Variants in CELF4 observed in about 807,000 individuals in gnomAD.
CELF4 encodes CUG-BP- and ETR-3-like factor 4.
Under a neutral mutation model 59.9 loss-of-function variants are expected in CELF4, and 18 were observed. The observed-to-expected ratio is 0.30, with a 90% CI of 0.21 to 0.45. The LOEUF (loss-of-function observed/expected upper bound fraction) is 0.45, where lower values mean the gene tolerates loss of function less well. Among genes scored for constraint, CELF4 ranks in the 20% least tolerant of loss-of-function variants. CELF4 has a pLI of 1.00. For missense variants in CELF4, 456 were observed against 689.0 expected (o/e 0.66, Z 3.79); for synonymous variants, 261 against 267.1 (o/e 0.98, Z 0.22).
chr18:37,332,272 T>C (rs1443701304), intron 2 of CELF4, among the ~76,000 whole-genome samples: 2 of 152,106 alleles, frequency 1.3e-5, no homozygotes, highest in African/African-American at 4.8e-5. Flanking sequence ...ACCGTCCACT[T>C]GCAAAGAGTC....
intron 2 of CELF4, among the ~76,000 whole-genome samples, chr18:37,327,013 C>T (rs1032113183): frequency 5.9e-5 from 9 of 152,240 alleles, no homozygotes; most frequent in Admixed American, 2.0e-4. Context: ...TCCTTGGGGA[C>T]GATTATGATA....
chr18:37,535,719 A>G (rs535917804), intron 1 of CELF4, among the ~76,000 whole-genome samples: 54 of 152,290 alleles, frequency 3.5e-4, no homozygotes, highest in African/African-American at 1.2e-3. Context: ...CCCCTGGGGA[A>G]AGGGGCGGCC....
Position 37,478,717 on chromosome 18 carries a change from G to C in CELF4, c.369+6808C>G, listed in dbSNP as rs1457169884. Among the ~76,000 whole-genome samples the C allele has an allele frequency of 4.6e-5, 7 of 152,340 alleles. No individual in the cohort carries two copies. The South Asian group carries it at 8.3e-4, about 18-fold the overall frequency. On this transcript the variant is annotated intron_variant, in intron 2 of 12. Transcript: ENST00000420428. ...GGCTAAGGGATAACGTGGAAGAGCA[G>C]AGGCAAGTTTCGAAGGCATCACAGA... is the stretch of plus-strand genomic sequence containing the variant.
At chr18:37,264,391 G>T (rs2076399967) in intron 10 of CELF4, among the ~76,000 whole-genome samples, 1 of 152,264 alleles carries the variant, frequency 6.6e-6, no homozygotes, top group Non-Finnish European at 1.5e-5. Flanking sequence ...TAGGAAAGGT[G>T]CCTCGTGTGG....
At chr18:37,263,612 C>T (rs1311413436) in intron 10 of CELF4, among the ~76,000 whole-genome samples, 1 of 152,072 alleles carries the variant, frequency 6.6e-6, no homozygotes, top group Non-Finnish European at 1.5e-5. Context: ...TTCATCCAGC[C>T]TCCTGTCTTC....
intron 3 of CELF4, among the ~76,000 whole-genome samples, chr18:37,276,934 T>C (rs2093396676): frequency 6.6e-6 from 1 of 152,202 alleles, no homozygotes; most frequent in Non-Finnish European, 1.5e-5. Flanking sequence ...TCTGAGCACA[T>C]GGGCACTCAG....
chr18:37,363,862 G>A (rs550233633), intron 2 of CELF4, among the ~76,000 whole-genome samples: 7 of 152,170 alleles, frequency 4.6e-5, no homozygotes, highest in Non-Finnish European at 8.8e-5. Flanking sequence ...TTATGCTCAG[G>A]ACCCTGGGTA....
chr18:37,483,962 A>G (rs1603642350), intron 2 of CELF4, among the ~76,000 whole-genome samples: 1 of 152,198 alleles, frequency 6.6e-6, no homozygotes, highest in East Asian at 1.9e-4. Context: ...TAGATCCTCA[A>G]CAATCCACAC....
At chr18:37,391,240 C>A (rs965533072) in intron 2 of CELF4, among the ~76,000 whole-genome samples, 5 of 152,200 alleles carry the variant, frequency 3.3e-5, no homozygotes, top group African/African-American at 9.6e-5. Context: ...CCTGAGGGGG[C>A]AGAGGGTCAG....
chr18:37,445,731 C>G (rs1290751630), intron 2 of CELF4, among the ~76,000 whole-genome samples: 1 of 151,984 alleles, frequency 6.6e-6, no homozygotes, highest in East Asian at 1.9e-4. Flanking sequence ...GGCATAAGTC[C>G]GATGCATTCC....
intron 2 of CELF4, among the ~76,000 whole-genome samples, chr18:37,336,659 T>C (rs945459746): frequency 1.0e-4 from 7 of 66,698 alleles, no homozygotes; most frequent in African/African-American, 4.5e-4. Context: ...CTGGCACACG[T>C]GCATGCCAGC....
intron 2 of CELF4, among the ~76,000 whole-genome samples, chr18:37,449,668 C>T (rs1340096565): frequency 6.6e-6 from 1 of 152,074 alleles, no homozygotes; most frequent in Non-Finnish European, 1.5e-5. Context: ...GAAGGAAGAG[C>T]TACTTTAGAT....
intron 2 of CELF4, among the ~76,000 whole-genome samples, chr18:37,443,482 C>G (rs1285019730): frequency 1.3e-5 from 2 of 152,154 alleles, no homozygotes; most frequent in African/African-American, 4.8e-5. Context: ...AGCTCCCCAC[C>G]ACCGAAGTGT....
At chr18:37,409,290 T>C (rs940901318) in intron 2 of CELF4, among the ~76,000 whole-genome samples, 4 of 152,136 alleles carry the variant, frequency 2.6e-5, no homozygotes, top group Admixed American at 6.5e-5. Context: ...GGGCAGCCAA[T>C]GGGGAGGGCC....
At chr18:37,351,611 CTT>C (rs35650061) in intron 2 of CELF4, among the ~76,000 whole-genome samples, 74,472 of 121,690 alleles carry the variant, frequency 0.61, 21,148 homozygotes, top group East Asian at 0.68. Context: ...TCTTCTTCTT[CTT>C]TTTTTTTTTT....
At chr18:37,450,622 T>C (rs558590752) in intron 2 of CELF4, among the ~76,000 whole-genome samples, 62 of 152,218 alleles carry the variant, frequency 4.1e-4, no homozygotes, top group African/African-American at 1.4e-3. Context: ...ATGATCTCCA[T>C]GGCTGGAATG....
chr18:37,431,018 T>C (rs1360789530), intron 2 of CELF4, among the ~76,000 whole-genome samples: 1 of 152,178 alleles, frequency 6.6e-6, no homozygotes, highest in African/African-American at 2.4e-5. Context: ...GCTGCTGGGT[T>C]AGGCTTGGGT....
At chr18:37,419,598 G>A (rs564859833) in intron 2 of CELF4, among the ~76,000 whole-genome samples, 3 of 152,230 alleles carry the variant, frequency 2.0e-5, no homozygotes, top group Non-Finnish European at 2.9e-5. Flanking sequence ...GGAGGGAGGC[G>A]GCCATGTGGA....
rs2099942194 is a variant in CELF4, at chr18:37,509,787, A to G, written c.287-24180T>C. Among the ~76,000 whole-genome samples the G allele has an allele frequency of 3.3e-5, 5 of 152,270 alleles. No individual in the cohort carries two copies. The South Asian group carries it at 1.0e-3, about 32-fold the overall frequency. The stretch of plus-strand genomic sequence containing the variant: ...TTTTCATCAGCTTATGAATGGATAA[A>G]CAAAATATGGTATATCCATTCAATG... On this transcript the variant is annotated intron_variant, in intron 1 of 12. Transcript: ENST00000420428.
Sources: allele counts gnomAD v4.1 joint callset (sites outside exome capture counted in the v4.1 genomes callset), GRCh38; gene constraint gnomAD v4.1.1; transcripts MANE v1.5; gene names NCBI Gene and HGNC (gene_info 2026-07-23, HGNC 2026-07-21).